The following GALNT2 variants were observed in gnomAD, a reference collection of about 807,000 sequenced individuals.
GALNT2 encodes the protein UDP-GalNAc:polypeptide N-acetylgalactosaminyltransferase 2.
In GALNT2, 31 loss-of-function variants were observed where a neutral mutation model predicts 81.4. The observed-to-expected ratio is 0.38, with a 90% CI of 0.29 to 0.51. The LOEUF (loss-of-function observed/expected upper bound fraction) is 0.51, where lower values mean the gene tolerates loss of function less well. Ranked by LOEUF, GALNT2 falls within the 20% of genes least tolerant of loss-of-function variation. The probability of loss-of-function intolerance (pLI) is 0.87; values close to 1 mark genes in which losing one functional copy is unlikely to be tolerated. For missense variants in GALNT2, 629 were observed against 765.7 expected, an observed-to-expected ratio of 0.82 and a Z score of 2.11; for synonymous variants, 303 against 287.4, an observed-to-expected ratio of 1.05 and a Z score of -0.55.
At chr1:230,136,394 G>C (rs895473646) in intron 1 of GALNT2, among the ~76,000 whole-genome samples, 2 of 152,274 alleles carry the variant, frequency 1.3e-5, no homozygotes, top group Middle Eastern at 3.4e-3. Flanking sequence ...CCTGTTCCTG[G>C]TGGCCTGAGT....
chr1:230,095,865 C>T (rs1571956405), intron 1 of GALNT2, among the ~76,000 whole-genome samples: 1 of 152,306 alleles, frequency 6.6e-6, no homozygotes, highest in East Asian at 1.9e-4. Flanking sequence ...GAGGGTGAGA[C>T]ATGTTGGAGG....
chr1:230,187,401 T>C (rs1385912623), intron 2 of GALNT2, among the ~76,000 whole-genome samples: 2 of 152,188 alleles, frequency 1.3e-5, no homozygotes, highest in Non-Finnish European at 2.9e-5. Context: ...CAGCCCCTCA[T>C]GGGAGGAGCA....
chr1:230,197,925 A>G (rs542581624), intron 2 of GALNT2, among the ~76,000 whole-genome samples: 3 of 152,270 alleles, frequency 2.0e-5, no homozygotes, highest in African/African-American at 7.2e-5. Flanking sequence ...TGGGGCAGGC[A>G]GGCTCGGGAG....
intron 1 of GALNT2, among the ~76,000 whole-genome samples, chr1:230,109,845 AGAAG>A (rs1660651831): frequency 6.6e-6 from 1 of 151,972 alleles, no homozygotes; most frequent in Admixed American, 6.6e-5. Context: ...AAAAAAAAAA[AGAAG>A]GAACACTGTT....
chr1:230,249,023 C>G (rs1665460206), intron 8 of GALNT2, among the ~76,000 whole-genome samples, 161 bp from the exon 9 acceptor site: 1 of 152,200 alleles, frequency 6.6e-6, no homozygotes, highest in Non-Finnish European at 1.5e-5. Flanking sequence ...CCCACGCCCC[C>G]AGTCCCCTTC....
intron 1 of GALNT2, among the ~76,000 whole-genome samples, chr1:230,077,859 A>G (rs1396720323): frequency 2.0e-5 from 3 of 152,234 alleles, no homozygotes; most frequent in Non-Finnish European, 4.4e-5. Context: ...AATTTTGCCT[A>G]ACTCCTCAAT....
chr1:230,243,891 T>C lies in GALNT2; in HGVS notation c.729+464T>C, dbSNP rs975043024. 6.6e-6 allele frequency among the ~76,000 whole-genome samples: 1 copy of C among 152,178 alleles called. No homozygotes were observed. Among genetic ancestry groups the C allele is most frequent in the African/African-American group, 2.4e-5 (1 of 41,456 alleles). ...AGTAGGGCAGGTTAGCCCAGCAGGC[T>C]TCCAGGCTCCTGTGGGAGAGGGTTG... On this transcript the variant is annotated intron_variant, in intron 7 of 15. Transcript: ENST00000366672. This position sits in a 1 kb window ranked among gnomAD's most constrained non-coding sequence, Gnocchi z 4.2.
At chr1:230,263,523 GTAA>G (rs1289700407) in intron 13 of GALNT2, 1 of 153,938 alleles carries the variant, frequency 6.5e-6, no homozygotes, top group Admixed American at 6.5e-5. Flanking sequence ...TGAAACGGAA[GTAA>G]TAATGCTGCT....
chr1:230,263,223 C>T (rs1013722569), intron 13 of GALNT2: 27 of 554,614 alleles, frequency 4.9e-5, no homozygotes, highest in Admixed American at 2.8e-4. Flanking sequence ...CCCTCCCATG[C>T]TTCGGAGTCC....
intron 6 of GALNT2, among the ~76,000 whole-genome samples, chr1:230,242,686 C>G (rs1418739476): frequency 1.3e-5 from 2 of 152,112 alleles, no homozygotes; most frequent in Non-Finnish European, 2.9e-5. Context: ...AGGCCACCAC[C>G]CACGGCTGAT....
At chr1:230,253,286 A>C (rs1157705927) in intron 10 of GALNT2, among the ~76,000 whole-genome samples, 1 of 152,200 alleles carries the variant, frequency 6.6e-6, no homozygotes, top group Non-Finnish European at 1.5e-5. Flanking sequence ...AGCTGCATGG[A>C]TCACCCATTC....
intron 2 of GALNT2, 94 bp from the exon 3 acceptor site, chr1:230,203,043 A>T: frequency 7.4e-7 from 1 of 1,348,824 alleles, no homozygotes; most frequent in Non-Finnish European, 1.0e-6. Flanking sequence ...GAAGCCATGG[A>T]TGTGATTTCT....
At chr1:230,262,884 T>TA in intron 12 of GALNT2, 38 bp from the exon 13 acceptor site, 1 of 1,589,616 alleles carries the variant, frequency 6.3e-7, no homozygotes, top group Non-Finnish European at 8.6e-7. Context: ...CATCTATTCT[T>TA]AAAATTTATA....
intron 1 of GALNT2, among the ~76,000 whole-genome samples, chr1:230,120,271 T>G (rs2102800017): frequency 6.6e-6 from 1 of 152,282 alleles, no homozygotes; most frequent in East Asian, 1.9e-4. Context: ...CAGCTTGCCC[T>G]GTCTTTTCTC....
intron 1 of GALNT2, among the ~76,000 whole-genome samples, chr1:230,071,505 T>C (rs1659374444): frequency 6.6e-6 from 1 of 152,188 alleles, no homozygotes; most frequent in African/African-American, 2.4e-5. Context: ...TGAGCTCCAC[T>C]GCTCTCCCTC....
At chr1:230,226,706 A>G (rs562130363) in intron 3 of GALNT2, among the ~76,000 whole-genome samples, 7 of 152,352 alleles carry the variant, frequency 4.6e-5, no homozygotes, top group Non-Finnish European at 2.9e-5. Flanking sequence ...GGAGCCAGTC[A>G]TCGCACCCGC....
intron 2 of GALNT2, among the ~76,000 whole-genome samples, chr1:230,186,617 G>A (rs188942625): frequency 5.8e-4 from 88 of 152,344 alleles, no homozygotes; most frequent in African/African-American, 1.8e-3. Flanking sequence ...CAAATAGAGA[G>A]AGGGAGGGAA....
At chr1:230,175,812 C>T (rs561840710) in intron 1 of GALNT2, among the ~76,000 whole-genome samples, 1 of 151,660 alleles carries the variant, frequency 6.6e-6, no homozygotes, top group African/African-American at 2.4e-5. Flanking sequence ...GAAATGTATT[C>T]TTGGGTTTTT....
rs574236713 is a variant in GALNT2 at position 230,125,796 on chromosome 1, A to C, written c.127-52422A>C. Among the ~76,000 whole-genome samples the C allele has an allele frequency of 1.8e-4, 27 of 152,148 alleles. 1 individual carries two copies. In the East Asian group the frequency reaches 5.0e-3, roughly 28 times the overall value. On this transcript the variant is annotated intron_variant, in intron 1 of 15. Transcript: ENST00000366672. ...GTACTCTGTTTAAGTGAAAAGCTGAACTCTCTTAAAACTCTCTTGCCATGC... is the reference window on the plus strand; with the variant it reads ...GTACTCTGTTTAAGTGAAAAGCTGACCTCTCTTAAAACTCTCTTGCCATGC...
Sources: allele counts gnomAD v4.1 joint callset (sites outside exome capture counted in the v4.1 genomes callset), GRCh38; gene constraint gnomAD v4.1.1; non-coding constraint Gnocchi (gnomAD v3.1); transcripts MANE v1.5; gene names NCBI Gene and HGNC (gene_info 2026-07-23, HGNC 2026-07-21).